Variants in PRMT3 observed in about 807,000 individuals in gnomAD.
The protein encoded by PRMT3 is protein arginine N-methyltransferase 3.
Under a neutral mutation model 71.9 loss-of-function variants are expected in PRMT3, and 62 were observed. The ratio of observed to expected loss-of-function variants is 0.86; its 90% CI spans 0.70 to 1.07. The LOEUF is 1.07. Ranked by LOEUF, PRMT3 falls within the 50% of genes least tolerant of loss-of-function variation. The probability of loss-of-function intolerance (pLI) is 0.00; values close to 1 mark genes in which losing one functional copy is unlikely to be tolerated. For missense variants in PRMT3, 663 were observed against 643.0 expected (o/e 1.03, Z -0.34); for synonymous variants, 213 against 220.4 (o/e 0.97, Z 0.30).
chr11:20,403,208 C>T (rs773681255), intron 8 of PRMT3, among the ~76,000 whole-genome samples: 3 of 152,080 alleles, frequency 2.0e-5, no homozygotes, highest in Admixed American at 6.5e-5. Context: ...ATTACAATGG[C>T]GTAACTTAGT....
chr11:20,506,311 GAT>G (rs1332393031), intron 15 of PRMT3, among the ~76,000 whole-genome samples: 3 of 152,122 alleles, frequency 2.0e-5, no homozygotes, highest in Non-Finnish European at 4.4e-5. Flanking sequence ...TGTCATATGA[GAT>G]AGTTTTATAT....
At chr11:20,477,740 G>C (rs1565230305) in intron 13 of PRMT3, among the ~76,000 whole-genome samples, 1 of 151,472 alleles carries the variant, frequency 6.6e-6, no homozygotes, top group South Asian at 2.1e-4. Context: ...TAATTGAATA[G>C]TAATGTCGTA....
At chr11:20,459,016 T>G (rs983142026) in intron 11 of PRMT3, among the ~76,000 whole-genome samples, 1 of 152,138 alleles carries the variant, frequency 6.6e-6, no homozygotes, top group Non-Finnish European at 1.5e-5. Flanking sequence ...ATAGTAAATT[T>G]TTTTTCAGTT....
chr11:20,388,028 G>A lies in PRMT3; in HGVS notation c.38G>A (p.Gly13Asp), dbSNP rs747887493. The A allele has an allele frequency of 8.2e-5, 133 of 1,613,838 alleles. No individual in the cohort carries two copies. The highest frequency in any genetic ancestry group is 1.1e-4 in the Non-Finnish European group (127 of 1,179,996). ...TGTGTGTGTGTGTTAGGCGGCCGGGGCGCTGTGGAGAATGAGGAGGACCTG... is the reference window on the plus strand; with the variant it reads ...TGTGTGTGTGTGTTAGGCGGCCGGGACGCTGTGGAGAATGAGGAGGACCTG... ...SLASGATGGR[G>D]AVENEEDLPE... Residue 13 changes from glycine to aspartate, a missense_variant, in exon 2 of 16, where the codon GGC (glycine) becomes GAC (aspartate). Coordinates refer to ENST00000331079, the MANE Select transcript of PRMT3 (RefSeq NM_005788.4).
intron 8 of PRMT3, among the ~76,000 whole-genome samples, chr11:20,404,692 A>T (rs920158537): frequency 6.6e-6 from 1 of 152,054 alleles, no homozygotes; most frequent in African/African-American, 2.4e-5. Flanking sequence ...TTTTTCCTTA[A>T]TATGTTATAT....
intron 9 of PRMT3, among the ~76,000 whole-genome samples, chr11:20,410,186 T>C (rs1849164549): frequency 6.6e-6 from 1 of 152,158 alleles, no homozygotes; most frequent in Admixed American, 6.5e-5. Context: ...GTTTATAATA[T>C]TAATATTTAG....
intron 13 of PRMT3, among the ~76,000 whole-genome samples, chr11:20,465,923 T>C (rs1850501115): frequency 6.6e-6 from 1 of 152,144 alleles, no homozygotes; most frequent in South Asian, 2.1e-4. Context: ...AAAAAGACCA[T>C]CTTGATTAAT....
chr11:20,485,398 T>C (rs1168828233), intron 13 of PRMT3, among the ~76,000 whole-genome samples: 1 of 152,090 alleles, frequency 6.6e-6, no homozygotes, highest in Non-Finnish European at 1.5e-5. Context: ...AACAGAGCTC[T>C]AGGTGCTCCA....
intron 15 of PRMT3, among the ~76,000 whole-genome samples, chr11:20,500,809 T>C (rs555059206): frequency 2.0e-5 from 3 of 152,278 alleles, no homozygotes; most frequent in Admixed American, 6.5e-5. Flanking sequence ...TTTGGAGTGG[T>C]TTATGAAACT....
intron 13 of PRMT3, among the ~76,000 whole-genome samples, chr11:20,492,905 A>T (rs1480821345): frequency 6.6e-6 from 1 of 152,066 alleles, no homozygotes; most frequent in East Asian, 1.9e-4. Context: ...AAAAATATAA[A>T]AATTAGCCGG....
chr11:20,397,140 G>A (rs150266481), intron 6 of PRMT3, among the ~76,000 whole-genome samples: 177 of 152,132 alleles, frequency 1.2e-3, no homozygotes, highest in African/African-American at 4.1e-3. Context: ...CGGTGCTGGT[G>A]TATGTAAATA....
intron 13 of PRMT3, among the ~76,000 whole-genome samples, chr11:20,480,929 A>G (rs1850916505): frequency 6.6e-6 from 1 of 152,168 alleles, no homozygotes; most frequent in Non-Finnish European, 1.5e-5. Context: ...CCTTTGAGTT[A>G]TGTAAGTAGT....
intron 6 of PRMT3, among the ~76,000 whole-genome samples, chr11:20,396,466 G>T (rs1227658746): frequency 1.3e-5 from 2 of 151,976 alleles, no homozygotes; most frequent in Non-Finnish European, 2.9e-5. Flanking sequence ...GTGAAACCCT[G>T]TCTCTACTAA....
rs910870103 is a variant in PRMT3, at chr11:20,417,338, G to A, written c.893+9306G>A. The stretch of plus-strand genomic sequence containing the variant: ...TGAAAGTAAATGAATAGTATATATT[G>A]TATCTATTTATATCTATTAGGATAT... On this transcript the variant is annotated intron_variant, in intron 9 of 15. Transcript: ENST00000331079. Among the ~76,000 whole-genome samples the A allele has an allele frequency of 1.2e-4, 19 of 152,058 alleles. 1 individual carries two copies. The highest frequency in any genetic ancestry group is 1.5e-5 in the Non-Finnish European group (1 of 68,018).
At position 20,388,067 on chromosome 11, in the gene PRMT3, A is replaced by T. The variant is rs1457109018; in HGVS notation, c.77A>T (p.Asp26Val). ...ENEEDLPELS[D>V]SGDEAAWEDE... ...GAGGAGGACCTGCCAGAACTGTCGG[A>T]CAGCGGGGACGAGGCCGCCTGGGAG... The change falls in exon 2 of 16, where the codon GAC becomes GTC. Residue 26 changes from aspartate to valine, a missense_variant. Transcript: ENST00000331079. 1.2e-6 allele frequency: 2 copies of T among 1,614,046 alleles called. No homozygotes were observed. Among genetic ancestry groups the T allele is most frequent in the East Asian group, 4.5e-5 (2 of 44,854 alleles).
chr11:20,462,042 A>C lies in PRMT3; in HGVS notation c.1135A>C (p.Arg379=). 1 of 1,612,916 alleles carries C rather than the reference A, an allele frequency of 6.2e-7. No individual in the cohort carries two copies. The highest frequency in any genetic ancestry group is 8.5e-7 in the Non-Finnish European group (1 of 1,179,206). The part of the protein sequence containing the change: ...AVSDVNKHAD[R]IAFWDDVYGF... ...GAGTGATGTGAATAAACATGCTGAT[A>C]GAATTGCTTTTTGGGATGATGTCTA... The change falls in exon 12 of 16, where the codon AGA becomes CGA. Residue 379 remains arginine, a synonymous_variant. Coordinates refer to ENST00000331079, the MANE Select transcript of PRMT3 (RefSeq NM_005788.4).
intron 15 of PRMT3, among the ~76,000 whole-genome samples, chr11:20,495,059 A>T (rs776308935): frequency 6.6e-6 from 1 of 150,972 alleles, no homozygotes; most frequent in African/African-American, 2.4e-5. Context: ...ACGGAGTTCC[A>T]CTCTTGTTGC....
At chr11:20,493,200 G>C (rs1167335309) in intron 13 of PRMT3, among the ~76,000 whole-genome samples, 1 of 151,604 alleles carries the variant, frequency 6.6e-6, no homozygotes, top group East Asian at 1.9e-4. Context: ...TCTCCTTTGA[G>C]TACTTGCTTA....
At chr11:20,477,607 C>T (rs1445586602) in intron 13 of PRMT3, among the ~76,000 whole-genome samples, 2 of 151,906 alleles carry the variant, frequency 1.3e-5, no homozygotes, top group Admixed American at 6.6e-5. Flanking sequence ...CTGTTCTTGA[C>T]GGGAGGGTAT....
Sources: gnomAD v4.1 joint callset for allele counts (sites outside exome capture counted in the v4.1 genomes callset) on GRCh38, gnomAD v4.1.1 for gene constraint, MANE v1.5 for transcripts, NCBI Gene and HGNC (gene_info 2026-07-23, HGNC 2026-07-21) for gene names.